The following TENM2 variants were observed in gnomAD, a reference collection of about 807,000 sequenced individuals.
The protein encoded by TENM2 is teneurin-2.
TENM2 carries 52 observed loss-of-function variants against 245.2 expected under a neutral mutation model. The observed-to-expected ratio is 0.21, with a 90% CI of 0.17 to 0.27. The LOEUF (loss-of-function observed/expected upper bound fraction) is 0.27. TENM2 is among the 10% of genes least tolerant of loss of function. The pLI is 1.00. For synonymous variants in TENM2, 1,363 were observed against 1,438.9 expected (o/e 0.95, Z 1.19); for missense variants, 3,046 against 3,666.8 (o/e 0.83, Z 4.37).
chr5:167,629,399 C>A (rs774657603), intron 2 of TENM2, among the ~76,000 whole-genome samples: 2 of 152,188 alleles, frequency 1.3e-5, no homozygotes, highest in Non-Finnish European at 2.9e-5. Flanking sequence ...TTGAAAGGCT[C>A]TGTAAATGCT....
At chr5:167,928,087 C>G (rs1277722234) in intron 3 of TENM2, among the ~76,000 whole-genome samples, 1 of 152,208 alleles carries the variant, frequency 6.6e-6, no homozygotes, top group Non-Finnish European at 1.5e-5. Flanking sequence ...AATCACAACT[C>G]TTCCTCCTAC....
rs146977524 is a variant in TENM2, at chr5:167,560,956, G to T, written c.502+185483G>T. Among the ~76,000 whole-genome samples the T allele has an allele frequency of 1.4e-3, 217 of 152,170 alleles. 1 individual carries two copies. Among genetic ancestry groups the T allele is most frequent in the African/African-American group, 5.1e-3 (211 of 41,502 alleles). ...CTAGTGGGTAGAGTTCAGGAATGCT[G>T]CCTAACAGCCCGTGATGCACAGGAC... On this transcript the variant is annotated intron_variant, in intron 2 of 28. Coordinates refer to ENST00000518659, the Ensembl canonical transcript of TENM2.
chr5:167,004,838 A>C, the TENM2 span, among the ~76,000 whole-genome samples: 1 of 152,170 alleles, frequency 6.6e-6, no homozygotes, highest in African/African-American at 2.4e-5. Flanking sequence ...GTGCTTGTGC[A>C]AGAAGGATTG....
chr5:167,663,008 G>A (rs1374139524), intron 2 of TENM2, among the ~76,000 whole-genome samples: 2 of 152,120 alleles, frequency 1.3e-5, no homozygotes, highest in Non-Finnish European at 2.9e-5. Context: ...CTGTGTCTCT[G>A]TCTTCAATAT....
At chr5:167,897,512 T>A (rs1775314347) in intron 3 of TENM2, among the ~76,000 whole-genome samples, 1 of 152,232 alleles carries the variant, frequency 6.6e-6, no homozygotes, top group African/African-American at 2.4e-5. Context: ...CATCTTCCTT[T>A]CTTGCTATAC....
At chr5:167,936,729 T>G (rs1344630934) in intron 3 of TENM2, among the ~76,000 whole-genome samples, 2 of 152,236 alleles carry the variant, frequency 1.3e-5, no homozygotes, top group East Asian at 3.8e-4. Flanking sequence ...TTTCTGGAAC[T>G]GTCACAACTG....
intron 5 of TENM2, among the ~76,000 whole-genome samples, chr5:168,045,237 G>A (rs942792284): frequency 1.3e-5 from 2 of 151,940 alleles, no homozygotes; most frequent in Non-Finnish European, 2.9e-5. Flanking sequence ...CACCTCATCT[G>A]TAGTTTTCTT....
At chr5:167,884,162 C>T (rs971301672) in intron 3 of TENM2, among the ~76,000 whole-genome samples, 18 of 152,140 alleles carry the variant, frequency 1.2e-4, no homozygotes, top group Admixed American at 6.5e-5. Flanking sequence ...ATCTAAATAC[C>T]GTTAAAAGAG....
At chr5:167,657,328 G>A (rs1305480637) in intron 2 of TENM2, among the ~76,000 whole-genome samples, 1 of 152,066 alleles carries the variant, frequency 6.6e-6, no homozygotes, top group Admixed American at 6.5e-5. Context: ...TTTTTTTGAG[G>A]CTGAATACTA....
intron 2 of TENM2, among the ~76,000 whole-genome samples, chr5:167,472,553 G>T (rs1049268452): frequency 2.0e-5 from 3 of 152,170 alleles, no homozygotes; most frequent in Non-Finnish European, 4.4e-5. Context: ...CATCAGTTCA[G>T]GAACAGAAAA....
chr5:167,383,722 G>A (rs1761239701), intron 2 of TENM2, among the ~76,000 whole-genome samples: 1 of 107,940 alleles, frequency 9.3e-6, no homozygotes, highest in South Asian at 3.1e-4. Flanking sequence ...ATAAACTGGT[G>A]CAGGATAAAA....
upstream of TENM2, among the ~76,000 whole-genome samples, chr5:167,282,598 G>T (rs1771123174): frequency 6.6e-6 from 1 of 152,134 alleles, no homozygotes; most frequent in Non-Finnish European, 1.5e-5. Context: ...CAAAAACTCT[G>T]TGAAGTAGAT....
intron 2 of TENM2, among the ~76,000 whole-genome samples, chr5:167,447,029 T>G (rs111929858): frequency 0.022 from 3,358 of 152,282 alleles, 59 homozygotes; most frequent in Non-Finnish European, 0.037. Context: ...CATGTGGTGC[T>G]TAAGAAGTTT....
chr5:167,139,070 G>A, the TENM2 span, among the ~76,000 whole-genome samples: 2 of 152,134 alleles, frequency 1.3e-5, no homozygotes, highest in Non-Finnish European at 2.9e-5. Flanking sequence ...TGATTGTTTG[G>A]CAAGACCCAG....
At position 168,247,421 on chromosome 5, in the gene TENM2, A is replaced by C; in HGVS notation, c.6482A>C (p.Lys2161Thr). ...CACTTCGACACCCATGGGCGGATCAAGGAGGTCCAGTATGAGATGTTCCGG... is the reference window on the plus strand; with the variant it reads ...CACTTCGACACCCATGGGCGGATCACGGAGGTCCAGTATGAGATGTTCCGG... Residue 2161 changes from lysine (K) to threonine (T), a missense_variant, in exon 27 of 29, where the codon AAG (lysine) becomes ACG (threonine). Coordinates refer to ENST00000518659, the Ensembl canonical transcript of TENM2. This position sits in a 1 kb window ranked among gnomAD's most constrained non-coding sequence, Gnocchi z 7.8. 15 of 1,613,980 alleles carry C rather than the reference A, an allele frequency of 9.3e-6. No homozygotes were observed. The highest frequency in any genetic ancestry group is 1.2e-5 in the Non-Finnish European group (14 of 1,179,888).
chr5:168,130,594 C>A (rs901861963), intron 12 of TENM2, among the ~76,000 whole-genome samples: 1 of 152,140 alleles, frequency 6.6e-6, no homozygotes, highest in Non-Finnish European at 1.5e-5. Flanking sequence ...CCACCATCAC[C>A]CCTTGTTAAT....
chr5:167,783,915 A>G (rs1399015842), intron 2 of TENM2, among the ~76,000 whole-genome samples: 5 of 151,948 alleles, frequency 3.3e-5, no homozygotes, highest in African/African-American at 1.2e-4. Context: ...GGTGCAGTGT[A>G]CCCCAAATAC....
intron 27 of TENM2, among the ~76,000 whole-genome samples, chr5:168,249,003 C>T (rs1265182307): frequency 6.6e-6 from 1 of 151,918 alleles, no homozygotes; most frequent in East Asian, 1.9e-4. Context: ...CCTGTAGGCC[C>T]AGCTACTCAG....
exon 16 of TENM2, chr5:168,198,898 T>A (rs756038101): frequency 6.2e-7 from 1 of 1,613,934 alleles, no homozygotes; most frequent in African/African-American, 1.3e-5. Flanking sequence ...CTCTACACTT[T>A]GAGCGAGCCC....
Sources: allele counts gnomAD v4.1 joint callset (sites outside exome capture counted in the v4.1 genomes callset), GRCh38; gene constraint gnomAD v4.1.1; non-coding constraint Gnocchi (gnomAD v3.1); transcripts MANE v1.5; gene names NCBI Gene and HGNC (gene_info 2026-07-23, HGNC 2026-07-21).